SLC25A26: variants seen among roughly 807,000 people sequenced by gnomAD.
The protein encoded by SLC25A26 is mitochondrial S-adenosylmethionine carrier protein.
Under a neutral mutation model 37.8 loss-of-function variants are expected in SLC25A26, and 36 were observed. The ratio of observed to expected loss-of-function variants is 0.95; its 90% CI spans 0.73 to 1.26. SLC25A26 has a LOEUF of 1.26. Ranked by LOEUF, SLC25A26 falls within the 50% of genes most tolerant of loss-of-function variation. The probability of loss-of-function intolerance (pLI) is 0.00; values close to 1 mark genes in which losing one functional copy is unlikely to be tolerated. For missense variants in SLC25A26, 390 were observed against 331.1 expected, an observed-to-expected ratio of 1.18 and a Z score of -1.38; for synonymous variants, 129 against 122.5, an observed-to-expected ratio of 1.05 and a Z score of -0.35.
At chr3:66,226,767 G>T (rs1553660885) in intron 1 of SLC25A26, among the ~76,000 whole-genome samples, 1 of 144,088 alleles carries the variant, frequency 6.9e-6, no homozygotes, top group Non-Finnish European at 1.6e-5. Flanking sequence ...AGCCCATGTT[G>T]TTCTTACAGT....
chr3:66,245,746 AAG>A (rs1422035828), intron 3 of SLC25A26, among the ~76,000 whole-genome samples: 2 of 152,194 alleles, frequency 1.3e-5, no homozygotes, highest in African/African-American at 2.4e-5. Context: ...GGGATATGGA[AAG>A]AGAGGTAACA....
At chr3:66,184,779 A>T (rs1469544338) in intron 1 of SLC25A26, among the ~76,000 whole-genome samples, 2 of 151,638 alleles carry the variant, frequency 1.3e-5, no homozygotes, top group African/African-American at 2.4e-5. Flanking sequence ...GACTCTAACC[A>T]TCCCACCCCT....
intron 5 of SLC25A26, among the ~76,000 whole-genome samples, chr3:66,282,073 G>A (rs1225391759): frequency 5.0e-5 from 7 of 141,342 alleles, no homozygotes; most frequent in Non-Finnish European, 1.1e-4. Flanking sequence ...CTGCAGTGGC[G>A]CAATCTCGGC....
chr3:66,369,046 AAAACAAAAAAAAAAAAC>A lies in SLC25A26; in HGVS notation c.569-428_569-412del, dbSNP rs1207787750. 9.6e-4 allele frequency among the ~76,000 whole-genome samples: 21 copies of A among 21,870 alleles called. 1 individual carries two copies. Among genetic ancestry groups the A allele is most frequent in the East Asian group, 3.6e-3 (1 of 278 alleles). 14.3% of individuals were successfully genotyped at this position (21,870 alleles called of 152,430 possible). A position where few individuals can be genotyped will look rare whatever the true frequency, so the allele number is the denominator to read the frequency against. ...TTTTCAAAAAAAAAAAAAAAAAACA[AAAACAAAAAAAAAAAAC>A]AAAAGACAGTGGCCTATAGAAAGTC... On this transcript the variant is annotated intron_variant, in intron 7 of 9. Transcript: ENST00000354883.
At chr3:66,349,436 A>G (rs575372645) in intron 6 of SLC25A26, among the ~76,000 whole-genome samples, 8 of 152,010 alleles carry the variant, frequency 5.3e-5, no homozygotes, top group African/African-American at 1.4e-4. Flanking sequence ...CCAGAACATC[A>G]TAGAAATAGA....
intron 5 of SLC25A26, among the ~76,000 whole-genome samples, chr3:66,338,950 T>C (rs1376449532): frequency 2.0e-5 from 3 of 152,072 alleles, no homozygotes; most frequent in Non-Finnish European, 2.9e-5. Flanking sequence ...TCCCGTTGTA[T>C]GTATATACCA....
chr3:66,266,371 A>G (rs147154030), intron 5 of SLC25A26, among the ~76,000 whole-genome samples: 35 of 152,326 alleles, frequency 2.3e-4, no homozygotes, highest in African/African-American at 8.2e-4. Flanking sequence ...CTTTTTGCCA[A>G]GAGCGTGTCT....
intron 5 of SLC25A26, among the ~76,000 whole-genome samples, chr3:66,325,636 G>T (rs1449466183): frequency 6.6e-6 from 1 of 152,122 alleles, no homozygotes; most frequent in Non-Finnish European, 1.5e-5. Context: ...GTGATAAGGG[G>T]GTGCAGGGAA....
intron 5 of SLC25A26, among the ~76,000 whole-genome samples, chr3:66,287,840 A>G (rs1446664242): frequency 6.6e-6 from 1 of 152,230 alleles, no homozygotes; most frequent in Non-Finnish European, 1.5e-5. Flanking sequence ...CTGCCTTCTT[A>G]GAATTGAAAC....
intron 5 of SLC25A26, among the ~76,000 whole-genome samples, chr3:66,312,729 C>G (rs958686042): frequency 1.3e-5 from 2 of 152,104 alleles, no homozygotes; most frequent in African/African-American, 4.8e-5. Context: ...CACAGTCCCT[C>G]AAGGCTTCCC....
At chr3:66,360,553 A>T (rs1331599081) in intron 6 of SLC25A26, among the ~76,000 whole-genome samples, 1 of 152,208 alleles carries the variant, frequency 6.6e-6, no homozygotes, top group Non-Finnish European at 1.5e-5. Context: ...TGCAGAATAC[A>T]AGATCAGTGT....
chr3:66,233,952 C>A (rs1456629742), intron 1 of SLC25A26, among the ~76,000 whole-genome samples: 1 of 152,110 alleles, frequency 6.6e-6, no homozygotes, highest in African/African-American at 2.4e-5. Flanking sequence ...TCTGAATTCT[C>A]TCCTAAGATT....
At chr3:66,373,338 A>G (rs1484855618) in intron 9 of SLC25A26, among the ~76,000 whole-genome samples, 3 of 152,194 alleles carry the variant, frequency 2.0e-5, no homozygotes, top group African/African-American at 7.2e-5. Flanking sequence ...TCACTGTACA[A>G]ATTACTCCAC....
At chr3:66,251,402 A>C (rs2073078530) in intron 3 of SLC25A26, among the ~76,000 whole-genome samples, 1 of 152,196 alleles carries the variant, frequency 6.6e-6, no homozygotes, top group African/African-American at 2.4e-5. Flanking sequence ...TTCCAGCGAC[A>C]TCCTTCAGTG....
intron 3 of SLC25A26, among the ~76,000 whole-genome samples, chr3:66,255,882 C>T (rs983343680): frequency 2.0e-5 from 3 of 152,160 alleles, no homozygotes; most frequent in Admixed American, 6.5e-5. Context: ...CAGCAGAAGT[C>T]AGGAAGCCAT....
intron 1 of SLC25A26, 52 bp downstream of exon 1, chr3:66,221,179 G>T: frequency 6.7e-7 from 1 of 1,486,604 alleles, no homozygotes. Flanking sequence ...GTCCGGCATT[G>T]GAGCCCGCGG....
chr3:66,318,786 G>T (rs2075612163), intron 5 of SLC25A26, among the ~76,000 whole-genome samples: 1 of 151,818 alleles, frequency 6.6e-6, no homozygotes. Context: ...CATATAGCTG[G>T]GACCATAGAT....
intron 9 of SLC25A26, among the ~76,000 whole-genome samples, chr3:66,372,106 CA>C (rs1202360017): frequency 6.6e-6 from 1 of 152,140 alleles, no homozygotes; most frequent in East Asian, 1.9e-4. Flanking sequence ...AAAACAACAA[CA>C]AAAAAGTTCT....
Position 66,378,766 on chromosome 3 carries a change from G to C in SLC25A26, c.*959G>C, listed in dbSNP as rs1700838300. ...GAAGATAATTAAAGGCAGAATGACT[G>C]CGTTTGTAAAAGAAGGACCACCAAC... On this transcript the variant is annotated 3_prime_UTR_variant, in exon 10 of 10. Transcript: ENST00000354883. 1 of 152,442 alleles carries C rather than the reference G, an allele frequency of 6.6e-6. No homozygotes were observed. The highest frequency in any genetic ancestry group is 2.4e-5 in the African/African-American group (1 of 41,352). 9.4% of individuals were successfully genotyped at this position (152,442 alleles called of 1,614,324 possible).
Sources: allele counts gnomAD v4.1 joint callset (sites outside exome capture counted in the v4.1 genomes callset), GRCh38; gene constraint gnomAD v4.1.1; transcripts MANE v1.5; gene names NCBI Gene and HGNC (gene_info 2026-07-23, HGNC 2026-07-21).